The following SYNE2 variants were observed in gnomAD, a reference collection of about 807,000 sequenced individuals.
The protein encoded by SYNE2 is nesprin-2.
In SYNE2, 431 loss-of-function variants were observed where a neutral mutation model predicts 856.3. The observed-to-expected ratio is 0.50, with a 90% CI of 0.47 to 0.55. The LOEUF (loss-of-function observed/expected upper bound fraction) is 0.55. SYNE2 is among the 20% of genes least tolerant of loss of function. The probability of loss-of-function intolerance (pLI) is 0.00; values close to 1 mark genes in which losing one functional copy is unlikely to be tolerated. For synonymous variants in SYNE2, 2,923 were observed against 2,872.3 expected (o/e 1.02, Z -0.56); for missense variants, 8,129 against 8,023.2 (o/e 1.01, Z -0.50).
intron 99 of SYNE2, 29 bp from the exon 100 acceptor site, chr14:64,202,772 T>C: frequency 2.5e-6 from 4 of 1,613,910 alleles, no homozygotes; most frequent in Non-Finnish European, 3.4e-6. Flanking sequence ...TTTTTTTGTT[T>C]CGTTTTGTTT....
At chr14:63,878,501 T>G (rs527859818) in intron 1 of SYNE2, among the ~76,000 whole-genome samples, 3 of 152,310 alleles carry the variant, frequency 2.0e-5, no homozygotes, top group African/African-American at 7.2e-5. Context: ...TCTGGTCATT[T>G]TGTTTCTGCT....
intron 2 of SYNE2, among the ~76,000 whole-genome samples, chr14:63,930,826 A>G (rs772843560): frequency 1.3e-5 from 2 of 152,036 alleles, no homozygotes; most frequent in Non-Finnish European, 2.9e-5. Context: ...GTGAGCCACC[A>G]CACCATATAA....
In SYNE2 at chr14:64,078,607, G is replaced by A. The variant is rs1294704564; in HGVS notation, c.11163+1G>A. ...TGAGAAAGCTCAAGAAATTCAAAAG[G>A]TAAAATCCTCCTTTAACTCCCTTCA... On this transcript the variant is annotated splice_donor_variant, in intron 55 of 115. Coordinates refer to ENST00000555002, the MANE Select transcript of SYNE2 (RefSeq NM_182914.3). LOFTEE classifies it high-confidence loss of function. 1 of 1,613,720 alleles carries A rather than the reference G, an allele frequency of 6.2e-7. No homozygotes were observed. The highest frequency in any genetic ancestry group is 1.7e-5 in the Admixed American group (1 of 60,008).
chr14:63,934,111 G>A lies in SYNE2; in HGVS notation c.80-6503G>A, dbSNP rs75896774. Among the ~76,000 whole-genome samples, 155 of 152,266 alleles carry A rather than the reference G, an allele frequency of 1.0e-3. 2 individuals carry two copies. The East Asian group carries it at 0.015, about 14-fold the overall frequency. On this transcript the variant is annotated intron_variant, in intron 2 of 115. Transcript: ENST00000555002. ...CAAAGGTTCTTTATTGCATTTAGAG[G>A]GTTCTGATTTCCAGGATGAAGAGGC... is the stretch of plus-strand genomic sequence containing the variant.
intron 1 of SYNE2, among the ~76,000 whole-genome samples, chr14:63,877,410 G>C (rs1345029116): frequency 1.3e-5 from 2 of 152,152 alleles, no homozygotes; most frequent in African/African-American, 4.8e-5. Context: ...GGATTTTTGG[G>C]AACAATTTGT....
At chr14:64,188,839 A>G (rs752281899) in intron 98 of SYNE2, 131 bp downstream of exon 98, 24 of 929,338 alleles carry the variant, frequency 2.6e-5, no homozygotes, top group Non-Finnish European at 1.7e-6. Context: ...AAGGGACTTC[A>G]CTATTTTCGA....
intron 51 of SYNE2, among the ~76,000 whole-genome samples, chr14:64,069,981 A>G (rs12894671): frequency 0.1 from 15,756 of 152,164 alleles, 1,065 homozygotes; most frequent in South Asian, 0.2. Flanking sequence ...GGGCCAGGGG[A>G]TTCGAGGGGA....
In SYNE2 at chr14:64,029,837, G is replaced by T. The variant is rs1236680385; in HGVS notation, c.6715-58G>T. The T allele has an allele frequency of 1.9e-6, 3 of 1,541,472 alleles. No homozygotes were observed. The Admixed American group carries it at 5.4e-5, about 28-fold the overall frequency. On this transcript the variant is annotated intron_variant, in intron 43 of 115. Transcript: ENST00000555002. ...TATTTATTAGTCATTTAATTATTTT[G>T]TGAGTGAAAACAATCAGAGAGAAAT...
In SYNE2 at chr14:63,971,856, T is replaced by C. The variant is rs139774239; in HGVS notation, c.1128+4010T>C. On this transcript the variant is annotated intron_variant, in intron 11 of 115. Transcript: ENST00000555002. Reference sequence around the variant, plus strand: ...TGACTTTATTGAGGAATAATTTATGTAACATCTCATTTTTAAATGGATAAT... The same window carrying C: ...TGACTTTATTGAGGAATAATTTATGCAACATCTCATTTTTAAATGGATAAT... Among the ~76,000 whole-genome samples, 37 of 152,324 alleles carry C rather than the reference T, an allele frequency of 2.4e-4. No homozygotes were observed. In the East Asian group the frequency reaches 5.0e-3, roughly 21 times the overall value.
chr14:64,020,201 G>GA (rs943722040), intron 35 of SYNE2, 108 bp downstream of exon 35: 4 of 620,426 alleles, frequency 6.4e-6, no homozygotes, highest in African/African-American at 1.9e-5. Context: ...TCTAAAAGAA[G>GA]AAAAAAACGG....
At chr14:64,206,321 G>A (rs2098605112) in intron 100 of SYNE2, among the ~76,000 whole-genome samples, 1 of 152,198 alleles carries the variant, frequency 6.6e-6, no homozygotes, top group African/African-American at 2.4e-5. Context: ...TCTAGGTTTG[G>A]ACAGTTTCTA....
chr14:63,791,285 C>T (rs757615464), intron 1 of SYNE2, among the ~76,000 whole-genome samples: 15 of 152,000 alleles, frequency 9.9e-5, no homozygotes, highest in Non-Finnish European at 2.1e-4. Context: ...GGCCCAATCC[C>T]GCCTCCTTGA....
intron 45 of SYNE2, among the ~76,000 whole-genome samples, chr14:64,038,829 C>T (rs926776907): frequency 3.3e-4 from 50 of 151,892 alleles, no homozygotes; most frequent in Non-Finnish European, 2.9e-5. Flanking sequence ...AGAGGGAGAC[C>T]GTGGAAAGAG....
At chr14:63,962,420 A>G (rs2096332267) in intron 9 of SYNE2, among the ~76,000 whole-genome samples, 1 of 152,176 alleles carries the variant, frequency 6.6e-6, no homozygotes, top group Non-Finnish European at 1.5e-5. Context: ...ATACCATAAA[A>G]TTCATCTATT....
intron 1 of SYNE2, among the ~76,000 whole-genome samples, chr14:63,864,938 G>A (rs1894821206): frequency 6.6e-6 from 1 of 151,782 alleles, no homozygotes; most frequent in Non-Finnish European, 1.5e-5. Context: ...AAATGTCTGT[G>A]GTATAGTGTA....
At chr14:63,974,872 G>T (rs1216069730) in intron 11 of SYNE2, among the ~76,000 whole-genome samples, 1 of 33,040 alleles carries the variant, frequency 3.0e-5, no homozygotes, top group African/African-American at 1.1e-4. Context: ...GTGTGTGTGT[G>T]TGTGTGTGTG....
Position 64,226,306 on chromosome 14 carries a change from T to C in SYNE2, c.*780T>C, listed in dbSNP as rs1378170760. The C allele has an allele frequency of 6.7e-6, 1 of 149,718 alleles. No individual in the cohort carries two copies. The highest frequency in any genetic ancestry group is 2.1e-4 in the South Asian group (1 of 4,656). The allele number at this position is 149,718 out of a possible 1,614,324, so 9.3% of individuals were successfully genotyped here. A position where few individuals can be genotyped will look rare whatever the true frequency, so the allele number is the denominator to read the frequency against. On this transcript the variant is annotated 3_prime_UTR_variant, in exon 116 of 116. Transcript: ENST00000555002. ...TAAGACTTTTTCACATCCAAAGTGA[T>C]GCTTTGCTTTGGGTTTTAACTGTTT...
intron 85 of SYNE2, among the ~76,000 whole-genome samples, chr14:64,156,096 G>A (rs1182308959): frequency 6.6e-6 from 1 of 152,140 alleles, no homozygotes; most frequent in East Asian, 1.9e-4. Context: ...ACCCCAGTTG[G>A]AACATTTTGA....
intron 83 of SYNE2, among the ~76,000 whole-genome samples, chr14:64,145,516 A>G (rs1026588798): frequency 9.2e-5 from 14 of 152,034 alleles, no homozygotes; most frequent in African/African-American, 3.1e-4. Context: ...TCAAAAAAAA[A>G]AAAAAAAAAA....
Sources: allele counts gnomAD v4.1 joint callset (sites outside exome capture counted in the v4.1 genomes callset), GRCh38; gene constraint gnomAD v4.1.1; transcripts MANE v1.5; gene names NCBI Gene and HGNC (gene_info 2026-07-23, HGNC 2026-07-21).